SETX: variants seen among roughly 807,000 people sequenced by gnomAD.
SETX encodes helicase senataxin.
SETX carries 90 observed loss-of-function variants against 227.2 expected under a neutral mutation model. The ratio of observed to expected loss-of-function variants is 0.40; its 90% CI spans 0.33 to 0.47. The LOEUF (loss-of-function observed/expected upper bound fraction) is 0.47, where lower values mean the gene tolerates loss of function less well. Among genes scored for constraint, SETX ranks in the 20% least tolerant of loss-of-function variants. The pLI is 0.91. For missense variants in SETX, 3,052 were observed against 3,181.5 expected, an observed-to-expected ratio of 0.96 and a Z score of 0.98; for synonymous variants, 1,210 against 1,113.2, an observed-to-expected ratio of 1.09 and a Z score of -1.73.
chr9:132,269,499 A>C, intron 25 of SETX, 116 bp downstream of exon 25: 1 of 1,600,802 alleles, frequency 6.2e-7, no homozygotes, highest in Non-Finnish European at 8.5e-7. Flanking sequence ...GCTGGAAAAC[A>C]TAACAACCAT....
intron 10 of SETX, among the ~76,000 whole-genome samples, chr9:132,321,111 A>C (rs1846298697): frequency 6.6e-6 from 1 of 151,936 alleles, no homozygotes; most frequent in Non-Finnish European, 1.5e-5. Context: ...TCCGTCCCCC[A>C]CTCCTACCCA....
At chr9:132,335,295 G>C (rs532176610) in intron 6 of SETX, among the ~76,000 whole-genome samples, 1 of 148,202 alleles carries the variant, frequency 6.7e-6, no homozygotes, top group African/African-American at 2.5e-5. Context: ...GGAGGCTGAG[G>C]CAGGAGAATG....
At chr9:132,284,870 C>T (rs145484756) in intron 18 of SETX, among the ~76,000 whole-genome samples, 1 of 151,582 alleles carries the variant, frequency 6.6e-6, no homozygotes, top group Non-Finnish European at 1.5e-5. Context: ...ACCCACAAAG[C>T]TATTTTTTTT....
At chr9:132,288,748 A>T (rs1326201279) in intron 15 of SETX, 97 bp from the exon 16 acceptor site, 1 of 853,354 alleles carries the variant, frequency 1.2e-6, no homozygotes, top group Non-Finnish European at 1.9e-6. Context: ...ATATGTTAAT[A>T]ATCAGAGAAG....
chr9:132,262,468 C>T lies in SETX; in HGVS notation c.*1771G>A, dbSNP rs774069145. ...TCTTCCCAAAGGCACATGGAAGAAG[C>T]TGATAGAGCCCTTGACCCAGACAGA... On this transcript the variant is annotated 3_prime_UTR_variant, in exon 26 of 26. Transcript: ENST00000224140. The T allele has an allele frequency of 1.3e-5, 2 of 152,182 alleles. No individual in the cohort carries two copies. Among genetic ancestry groups the T allele is most frequent in the Non-Finnish European group, 2.9e-5 (2 of 68,054 alleles). 9.4% of individuals were successfully genotyped at this position (152,182 alleles called of 1,614,324 possible). A position where few individuals can be genotyped will look rare whatever the true frequency, so the allele number is the denominator to read the frequency against.
Position 132,327,275 on chromosome 9 carries a change from C to T in SETX, c.4323G>A (p.Gln1441=), listed in dbSNP as rs180992608. The T allele has an allele frequency of 3.0e-5, 48 of 1,614,170 alleles. No homozygotes were observed. The East Asian group carries it at 8.5e-4, about 28-fold the overall frequency. Residue 1441 remains glutamine (Q), a synonymous_variant, in exon 10 of 26, where the codon CAG becomes CAA. Coordinates refer to ENST00000224140, the MANE Select transcript of SETX (RefSeq NM_015046.7). Reference sequence around the variant, plus strand: ...TTCCATTTAACACTACAGAATCACACTGGTTCAAAGGGCAAGCATCATCAG... The same window carrying T: ...TTCCATTTAACACTACAGAATCACATTGGTTCAAAGGGCAAGCATCATCAG... ...PATDDACPLN[Q]CDSVVLNGTV...
chr9:132,341,293 T>G (rs1847944097), intron 5 of SETX, among the ~76,000 whole-genome samples: 1 of 152,282 alleles, frequency 6.6e-6, no homozygotes, highest in African/African-American at 2.4e-5. Context: ...TCTCTCAATG[T>G]TCTCCATTTT....
At position 132,329,619 on chromosome 9, in the gene SETX, G is replaced by C. The variant is rs882709; in HGVS notation, c.1979C>G (p.Ala660Gly). The change falls in exon 10 of 26, where the codon GCA (alanine) becomes GGA (glycine). Residue 660 changes from alanine to glycine, a missense_variant. Ala to Gly is a moderately conservative substitution (Grantham distance 60, BLOSUM62 0). Coordinates refer to ENST00000224140, the MANE Select transcript of SETX (RefSeq NM_015046.7). The stretch of plus-strand genomic sequence containing the variant: ...ATTGTCACCTTCTATAGTGTTATCT[G>C]CTTTGATCAATACACTGTCTTGCAC... Reference protein sequence around the residue: ...MKVQDSVLIKADNTIEGDNNE... With the variant: ...MKVQDSVLIKGDNTIEGDNNE... The C allele has an allele frequency of 0.085, 136,753 of 1,613,224 alleles. 10,094 individuals are homozygous for C. The highest frequency in any genetic ancestry group is 0.42 in the East Asian group (18,784 of 44,852).
In SETX at chr9:132,328,374, T is replaced by A. The variant is rs765160099; in HGVS notation, c.3224A>T (p.Glu1075Val). The change falls in exon 10 of 26, where the codon GAA becomes GTA. Residue 1075 changes from glutamate to valine, a missense_variant. Around this residue, in one of 10 missense-constraint regions of SETX, gnomAD observed 1,483 missense variants for 1,312.0 expected, o/e 1.13. Coordinates refer to ENST00000224140, the MANE Select transcript of SETX (RefSeq NM_015046.7). ...AAACTCAAAACACTGAGAATCAGAT[T>A]CCTCAAACTGAAAAAGAGTCTCTGT... is the stretch of plus-strand genomic sequence containing the variant. ...EKTETLFQFE[E>V]SDSQCFEFES... 2 of 1,614,032 alleles carry A rather than the reference T, an allele frequency of 1.2e-6. No homozygotes were observed. Among genetic ancestry groups the A allele is most frequent in the Admixed American group, 3.3e-5 (2 of 60,012 alleles).
intron 10 of SETX, among the ~76,000 whole-genome samples, chr9:132,318,476 C>T (rs1194341762): frequency 6.6e-6 from 1 of 152,172 alleles, no homozygotes; most frequent in Admixed American, 6.5e-5. Context: ...CAAGGGGCTA[C>T]AGCCTAGCAT....
chr9:132,285,189 A>G (rs1252500015), intron 18 of SETX, among the ~76,000 whole-genome samples: 1 of 151,836 alleles, frequency 6.6e-6, no homozygotes, highest in African/African-American at 2.4e-5. Context: ...AGCTATTTTC[A>G]TTAACTGTTT....
Position 132,329,220 on chromosome 9 carries a change from T to C in SETX, c.2378A>G (p.His793Arg), listed in dbSNP as rs754564585. Reference protein sequence around the residue: ...QKDEICAKLSHVIKKQHRKST... With the variant: ...QKDEICAKLSRVIKKQHRKST... ...CTTCCTGTGTTGCTTCTTTATTACATGTGATAACTTTGCACAGATTTCATC... is the reference window on the plus strand; with the variant it reads ...CTTCCTGTGTTGCTTCTTTATTACACGTGATAACTTTGCACAGATTTCATC... The change falls in exon 10 of 26, where the codon CAT becomes CGT. Residue 793 changes from histidine to arginine, a missense_variant. Physicochemically the swap from His to Arg is conservative, Grantham distance 29. Coordinates refer to ENST00000224140, the MANE Select transcript of SETX (RefSeq NM_015046.7). 1.2e-6 allele frequency: 2 copies of C among 1,613,792 alleles called. No individual in the cohort carries two copies. Among genetic ancestry groups the C allele is most frequent in the Non-Finnish European group, 1.7e-6 (2 of 1,179,948 alleles).
rs954097160 is a variant in SETX at position 132,261,525 on chromosome 9, T to A, written c.*2714A>T. The stretch of plus-strand genomic sequence containing the variant: ...TTGTTTCTGCTTTTAATTCTGCCAT[T>A]TCCTCTTAAAATTTAGGGTTTAACA... On this transcript the variant is annotated 3_prime_UTR_variant, in exon 26 of 26. Transcript: ENST00000224140. 1.3e-5 allele frequency: 2 copies of A among 152,476 alleles called. No individual in the cohort carries two copies. Among genetic ancestry groups the A allele is most frequent in the Non-Finnish European group, 2.9e-5 (2 of 68,050 alleles). The allele number at this position is 152,476 out of a possible 1,614,324, so 9.4% of individuals were successfully genotyped here.
At chr9:132,337,071 A>AAT (rs576668334) in intron 5 of SETX, among the ~76,000 whole-genome samples, 3 of 152,046 alleles carry the variant, frequency 2.0e-5, no homozygotes, top group African/African-American at 7.2e-5. Flanking sequence ...CATCTCAAAA[A>AAT]ATATATATAT....
At position 132,326,585 on chromosome 9, in the gene SETX, A is replaced by C; in HGVS notation, c.5013T>G (p.Gly1671=). The C allele has an allele frequency of 6.2e-7, 1 of 1,614,212 alleles. No homozygotes were observed. The highest frequency in any genetic ancestry group is 8.5e-7 in the Non-Finnish European group (1 of 1,180,046). ...TGCTTTCACCAAATGGAACTTTGCA[A>C]CCTTGCCTGTTGGAATTATTCGGAG... The part of the protein sequence containing the change: ...PQSPNNSNRQ[G]CKVPFGESKY... The change falls in exon 10 of 26, where the codon GGT becomes GGG. Residue 1671 remains glycine (G), a synonymous_variant. Coordinates refer to ENST00000224140, the MANE Select transcript of SETX (RefSeq NM_015046.7).
Position 132,300,777 on chromosome 9 carries a change from T to C in SETX, c.5401A>G (p.Lys1801Glu), listed in dbSNP as rs1844948603. The stretch of plus-strand genomic sequence containing the variant: ...TCGTTTTCCTTTGGATAAAGCTGTT[T>C]AGCCAGTTCACATTCTTCCAGATAA... ...AVYLEECELA[K>E]QLYPKENDLV... The change falls in exon 12 of 26, where the codon AAA becomes GAA. Residue 1801 changes from lysine (K) to glutamate (E), a missense_variant. Physicochemically the swap from Lys to Glu is moderately conservative, Grantham distance 56. Transcript: ENST00000224140. 6.2e-7 allele frequency: 1 copy of C among 1,613,324 alleles called. No individual in the cohort carries two copies. The highest frequency in any genetic ancestry group is 8.5e-7 in the Non-Finnish European group (1 of 1,179,888).
At chr9:132,278,290 A>G in intron 20 of SETX, 33 bp from the exon 21 acceptor site, 4 of 1,605,496 alleles carry the variant, frequency 2.5e-6, no homozygotes, top group Non-Finnish European at 8.5e-7. Context: ...ACAGTTTCCA[A>G]GAATTCATTT....
intron 6 of SETX, among the ~76,000 whole-genome samples, chr9:132,335,129 A>T (rs56397924): frequency 4.6e-5 from 7 of 151,892 alleles, no homozygotes; most frequent in East Asian, 1.9e-4. Context: ...GGTGGCTCAC[A>T]CCTGTAATCC....
intron 22 of SETX, 108 bp downstream of exon 22, chr9:132,276,952 A>T: frequency 1.1e-6 from 1 of 943,726 alleles, no homozygotes; most frequent in Non-Finnish European, 1.7e-6. Context: ...CTGTGCCCTG[A>T]CACTAGGCAG....
Sources: allele counts gnomAD v4.1 joint callset (sites outside exome capture counted in the v4.1 genomes callset), GRCh38; gene constraint gnomAD v4.1.1; regional missense constraint gnomAD v4.1.1; transcripts MANE v1.5; gene names NCBI Gene and HGNC (gene_info 2026-07-23, HGNC 2026-07-21).